Variants in ARSG observed in about 807,000 individuals in gnomAD.
ARSG encodes the protein ASG.
In ARSG, 37 loss-of-function variants were observed where a neutral mutation model predicts 50.5. The ratio of observed to expected loss-of-function variants is 0.73; its 90% CI spans 0.56 to 0.96. The LOEUF (loss-of-function observed/expected upper bound fraction) is 0.96, where lower values mean the gene tolerates loss of function less well. Ranked by LOEUF, ARSG falls within the 50% of genes least tolerant of loss-of-function variation. The pLI, the probability that ARSG is intolerant of heterozygous loss-of-function variation, is 0.00. For synonymous variants in ARSG, 225 were observed against 254.6 expected, an observed-to-expected ratio of 0.88 and a Z score of 1.11; for missense variants, 629 against 675.3, an observed-to-expected ratio of 0.93 and a Z score of 0.76.
chr17:68,342,865 G>A (rs1002126990), intron 2 of ARSG, among the ~76,000 whole-genome samples: 2 of 152,182 alleles, frequency 1.3e-5, no homozygotes, highest in African/African-American at 4.8e-5. Context: ...AGAAGGGAGA[G>A]GGTCACCTCC....
chr17:68,388,581 G>A (rs2080836440), intron 9 of ARSG, among the ~76,000 whole-genome samples: 3 of 152,234 alleles, frequency 2.0e-5, no homozygotes, highest in African/African-American at 7.2e-5. Context: ...ATGAACTGGG[G>A]CAATTATGAG....
intron 4 of ARSG, among the ~76,000 whole-genome samples, chr17:68,348,078 C>G (rs766412649): frequency 1.3e-5 from 2 of 152,200 alleles, no homozygotes; most frequent in Admixed American, 1.3e-4. Context: ...CATTGGCTGA[C>G]GTCTTCTTCA....
intron 1 of ARSG, among the ~76,000 whole-genome samples, chr17:68,284,145 G>A (rs1298326865): frequency 2.0e-5 from 3 of 148,066 alleles, no homozygotes; most frequent in Non-Finnish European, 4.4e-5. Flanking sequence ...AGTGGCTCAT[G>A]CCTGTAATCC....
the ARSG span, chr17:68,435,786 T>C: frequency 7.4e-7 from 1 of 1,356,004 alleles, no homozygotes. Flanking sequence ...CTCCCCTTCC[T>C]CTTTTCTCCT....
chr17:68,409,779 G>A (rs990746517), intron 11 of ARSG, among the ~76,000 whole-genome samples: 9 of 151,018 alleles, frequency 6.0e-5, no homozygotes, highest in Non-Finnish European at 1.0e-4. Flanking sequence ...CCATTTGTTC[G>A]TATCCTCTTT....
chr17:68,388,069 T>C (rs912956214), intron 9 of ARSG, among the ~76,000 whole-genome samples: 2 of 152,166 alleles, frequency 1.3e-5, no homozygotes, highest in African/African-American at 4.8e-5. Context: ...CAGATATTTA[T>C]TGCCATGTCC....
At chr17:68,383,453 T>C (rs959134194) in intron 8 of ARSG, among the ~76,000 whole-genome samples, 3 of 152,174 alleles carry the variant, frequency 2.0e-5, no homozygotes, top group African/African-American at 7.2e-5. Context: ...CCTTAGCATC[T>C]GGCCTCAAAG....
intron 9 of ARSG, among the ~76,000 whole-genome samples, chr17:68,390,960 C>T (rs1242240666): frequency 6.7e-6 from 1 of 149,866 alleles, no homozygotes; most frequent in Admixed American, 6.7e-5. Context: ...AAGAGACCCA[C>T]GAAGGCAGAA....
chr17:68,327,627 A>G (rs1555772925), intron 2 of ARSG, among the ~76,000 whole-genome samples: 1 of 152,200 alleles, frequency 6.6e-6, no homozygotes, highest in Non-Finnish European at 1.5e-5. Flanking sequence ...CTACTTCGGT[A>G]TAATCTCATC....
intron 1 of ARSG, among the ~76,000 whole-genome samples, 163 bp downstream of exon 1, chr17:68,291,731 T>C (rs1472857824): frequency 6.6e-6 from 1 of 151,266 alleles, no homozygotes; most frequent in African/African-American, 2.4e-5. Context: ...GTGCAGGGTG[T>C]TGGGGGTGCC....
At chr17:68,368,250 G>T (rs144311071) in intron 6 of ARSG, among the ~76,000 whole-genome samples, 17 of 152,278 alleles carry the variant, frequency 1.1e-4, no homozygotes, top group African/African-American at 3.8e-4. Flanking sequence ...CTAAGCTTCT[G>T]ATTCTTCATC....
At chr17:68,365,647 G>A (rs371857322) in intron 6 of ARSG, among the ~76,000 whole-genome samples, 10 of 152,236 alleles carry the variant, frequency 6.6e-5, no homozygotes, top group South Asian at 4.2e-4. Context: ...ACCACCCCTC[G>A]CCCATACACA....
intron 1 of ARSG, among the ~76,000 whole-genome samples, chr17:68,275,249 A>C (rs2075476614): frequency 6.6e-6 from 1 of 152,216 alleles, no homozygotes; most frequent in African/African-American, 2.4e-5. Context: ...GTTATAGGTT[A>C]CTTAATATTA....
At chr17:68,314,431 C>T (rs782653352) in intron 2 of ARSG, among the ~76,000 whole-genome samples, 4 of 150,452 alleles carry the variant, frequency 2.7e-5, no homozygotes, top group South Asian at 2.1e-4. Context: ...GAGGCTGAGG[C>T]GGGAGAATCA....
chr17:68,265,712 G>T (rs76618267), intron 1 of ARSG, among the ~76,000 whole-genome samples: 2 of 134,364 alleles, frequency 1.5e-5, no homozygotes, highest in Non-Finnish European at 3.2e-5. Context: ...CCAGTCCACT[G>T]TTTTTTTTTT....
chr17:68,401,421 T>G lies in ARSG; in HGVS notation c.1274T>G (p.Leu425Arg), dbSNP rs140303640. 12 of 1,613,950 alleles carry G rather than the reference T, an allele frequency of 7.4e-6. No homozygotes were observed. The highest frequency in any genetic ancestry group is 1.3e-5 in the African/African-American group (1 of 74,938). Residue 425 changes from leucine to arginine, a missense_variant, in exon 11 of 12, where the codon CTG (leucine) becomes CGG (arginine). Physicochemically the swap from Leu to Arg is moderately radical, Grantham distance 102. Coordinates refer to ENST00000621439, the MANE Select transcript of ARSG (RefSeq NM_001267727.2). ...GEFGALQTVRLERYKAFYITG... is the reference protein window; with the variant it reads ...GEFGALQTVRRERYKAFYITG... ...TTTGGAGCCCTGCAGACTGTCCGCCTGGAGCGTTACAAGGCCTTCTACATT... is the reference window on the plus strand; with the variant it reads ...TTTGGAGCCCTGCAGACTGTCCGCCGGGAGCGTTACAAGGCCTTCTACATT...
intron 11 of ARSG, among the ~76,000 whole-genome samples, chr17:68,412,942 T>C (rs1389806260): frequency 1.3e-5 from 2 of 152,176 alleles, no homozygotes; most frequent in African/African-American, 2.4e-5. Flanking sequence ...ATTCTTCACG[T>C]AGTTCTCAAG....
At position 68,385,192 on chromosome 17, in the gene ARSG, T is replaced by C; in HGVS notation, c.1091+20T>C. ...GTTAAGGTATGAGACCAAAACTACC[T>C]TGAGATGTTGGGGCCCAGAGCAAGA... On this transcript the variant is annotated intron_variant, in intron 9 of 11. Coordinates refer to ENST00000621439, the MANE Select transcript of ARSG (RefSeq NM_001267727.2). The C allele has an allele frequency of 6.2e-7, 1 of 1,606,210 alleles. No individual in the cohort carries two copies. The highest frequency in any genetic ancestry group is 8.5e-7 in the Non-Finnish European group (1 of 1,173,536).
At chr17:68,434,531 A>G in the ARSG span, 68 of 1,612,798 alleles carry the variant, frequency 4.2e-5, no homozygotes, top group Non-Finnish European at 5.6e-5. Context: ...GGGACTTTAA[A>G]ATGGGTTTGA....
Sources: allele counts gnomAD v4.1 joint callset (sites outside exome capture counted in the v4.1 genomes callset), GRCh38; gene constraint gnomAD v4.1.1; transcripts MANE v1.5; gene names NCBI Gene and HGNC (gene_info 2026-07-23, HGNC 2026-07-21).